Variants in PDS5B observed in about 807,000 individuals in gnomAD.
PDS5B encodes PDS5 cohesin associated factor B, also known as sister chromatid cohesion protein PDS5 homolog B.
PDS5B carries 51 observed loss-of-function variants against 184.1 expected under a neutral mutation model. That is an observed-to-expected ratio of 0.28 (90% CI 0.22 to 0.35). PDS5B has a LOEUF of 0.35. Among genes scored for constraint, PDS5B ranks in the 10% least tolerant of loss-of-function variants. The probability of loss-of-function intolerance (pLI) is 1.00; values close to 1 mark genes in which losing one functional copy is unlikely to be tolerated. For synonymous variants in PDS5B, 566 were observed against 569.2 expected, an observed-to-expected ratio of 0.99 and a Z score of 0.08; for missense variants, 1,180 against 1,723.3, an observed-to-expected ratio of 0.68 and a Z score of 5.58.
At chr13:32,675,178 T>C (rs139194173) in intron 8 of PDS5B, among the ~76,000 whole-genome samples, 1 of 152,180 alleles carries the variant, frequency 6.6e-6, no homozygotes, top group African/African-American at 2.4e-5. Flanking sequence ...TCCCACACTT[T>C]ATGTTCAAGT....
chr13:32,653,306 A>G (rs894260262), intron 3 of PDS5B, among the ~76,000 whole-genome samples: 1 of 152,194 alleles, frequency 6.6e-6, no homozygotes, highest in Non-Finnish European at 1.5e-5. Flanking sequence ...CAAAAAAAAG[A>G]TAATTGTGGA....
intron 1 of PDS5B, among the ~76,000 whole-genome samples, chr13:32,603,137 G>A (rs2058004711): frequency 6.6e-6 from 1 of 152,184 alleles, no homozygotes; most frequent in Admixed American, 6.5e-5. Context: ...TGTTGCCATT[G>A]CTTTTGGTGT....
At chr13:32,722,803 T>C (rs1291484307) in intron 19 of PDS5B, among the ~76,000 whole-genome samples, 1 of 152,236 alleles carries the variant, frequency 6.6e-6, no homozygotes, top group African/African-American at 2.4e-5. Flanking sequence ...GGAGGAGCCC[T>C]GTCAGTATCA....
chr13:32,736,887 G>A (rs75811235), intron 21 of PDS5B, among the ~76,000 whole-genome samples: 5,050 of 151,820 alleles, frequency 0.033, 233 homozygotes, highest in African/African-American at 0.11. Flanking sequence ...TTGTCTAGTC[G>A]TACCTAAAGC....
intron 13 of PDS5B, among the ~76,000 whole-genome samples, chr13:32,692,031 T>G (rs993270643): frequency 8.5e-5 from 13 of 152,092 alleles, no homozygotes; most frequent in Admixed American, 5.3e-4. Context: ...TTAAATTACA[T>G]TCTAGTCCTG....
rs138110737 is a variant in PDS5B, at chr13:32,698,967, G to A, written c.1601-763G>A. Among the ~76,000 whole-genome samples, 582 of 152,050 alleles carry A rather than the reference G, an allele frequency of 3.8e-3. 4 individuals are homozygous for A. The highest frequency in any genetic ancestry group is 0.014 in the African/African-American group (566 of 41,484). ...ACAGGGTTTCACCATCTTGGCCAGG[G>A]TGGTCTTGAACTCCTGACCTCGTGA... On this transcript the variant is annotated intron_variant, in intron 15 of 34. Transcript: ENST00000315596.
At chr13:32,736,478 T>C (rs1478484600) in intron 21 of PDS5B, among the ~76,000 whole-genome samples, 4 of 152,052 alleles carry the variant, frequency 2.6e-5, no homozygotes, top group Non-Finnish European at 2.9e-5. Context: ...TTTCTTGAAG[T>C]TTATTGACAG....
At chr13:32,721,894 C>T (rs1952724867) in intron 19 of PDS5B, among the ~76,000 whole-genome samples, 1 of 151,564 alleles carries the variant, frequency 6.6e-6, no homozygotes, top group African/African-American at 2.4e-5. Flanking sequence ...GGCAGAGGGG[C>T]TCCTCACATC....
intron 1 of PDS5B, among the ~76,000 whole-genome samples, chr13:32,588,385 A>G (rs2057724175): frequency 6.6e-6 from 1 of 152,362 alleles, no homozygotes; most frequent in East Asian, 1.9e-4. Context: ...TACTTAATAT[A>G]CATTTACAAA....
intron 14 of PDS5B, among the ~76,000 whole-genome samples, 190 bp downstream of exon 14, chr13:32,694,494 T>C (rs1431950234): frequency 6.6e-6 from 1 of 151,906 alleles, no homozygotes; most frequent in Non-Finnish European, 1.5e-5. Context: ...AATGTTTATA[T>C]CTGCAAAAGG....
intron 13 of PDS5B, chr13:32,689,536 G>A (rs140793282): frequency 6.6e-6 from 1 of 152,042 alleles, no homozygotes; most frequent in Non-Finnish European, 1.5e-5. Context: ...TTTACTGTCC[G>A]GCCTTTTACA....
At chr13:32,647,572 C>T (rs930883841) in intron 1 of PDS5B, among the ~76,000 whole-genome samples, 5 of 152,174 alleles carry the variant, frequency 3.3e-5, no homozygotes, top group Admixed American at 6.5e-5. Flanking sequence ...TGAGCAATCC[C>T]ACCTGGCCTT....
At chr13:32,740,957 C>A (rs1386820025) in intron 21 of PDS5B, 123 bp from the exon 22 acceptor site, 11 of 607,620 alleles carry the variant, frequency 1.8e-5, no homozygotes, top group Non-Finnish European at 3.2e-5. Context: ...GTACTTTAGT[C>A]ATATATAACA....
intron 15 of PDS5B, 32 bp downstream of exon 15, chr13:32,696,934 A>G (rs200527849): frequency 3.2e-5 from 40 of 1,233,684 alleles, no homozygotes; most frequent in Middle Eastern, 2.2e-4. Context: ...ATAAAAATGT[A>G]ATTTTTATTG....
rs538972656 is a variant in PDS5B at position 32,602,073 on chromosome 13, CT to C, written c.-20+15490del. Among the ~76,000 whole-genome samples, 17 of 148,220 alleles carry C rather than the reference CT, an allele frequency of 1.1e-4. No homozygotes were observed. The East Asian group carries it at 1.2e-3, about 10-fold the overall frequency. ...CAAAACAATGTTTTTCAGTTAAATT[CT>C]TTTTTTTTTAAATCCTTGTCTTTTT... On this transcript the variant is annotated intron_variant, in intron 1 of 34. Transcript: ENST00000315596.
chr13:32,757,736 A>G (rs1954236124), intron 26 of PDS5B, among the ~76,000 whole-genome samples: 2 of 152,124 alleles, frequency 1.3e-5, no homozygotes, highest in Non-Finnish European at 2.9e-5. Flanking sequence ...GCCTCACTTG[A>G]TCCGTGGCCC....
intron 19 of PDS5B, among the ~76,000 whole-genome samples, chr13:32,712,486 T>C (rs115952683): frequency 0.014 from 2,090 of 152,306 alleles, 40 homozygotes; most frequent in African/African-American, 0.047. Flanking sequence ...AAAAATAATA[T>C]AGTTAAGAGA....
At chr13:32,719,981 A>G (rs1398235416) in intron 19 of PDS5B, among the ~76,000 whole-genome samples, 2 of 152,034 alleles carry the variant, frequency 1.3e-5, no homozygotes, top group Admixed American at 6.5e-5. Flanking sequence ...TGTTTTTAGT[A>G]GAGACTGGAT....
intron 1 of PDS5B, among the ~76,000 whole-genome samples, chr13:32,602,913 T>C (rs1025032907): frequency 1.3e-5 from 2 of 152,256 alleles, no homozygotes; most frequent in African/African-American, 4.8e-5. Context: ...TGTCTGTTCA[T>C]ATCCTTTGCC....
Sources: gnomAD v4.1 joint callset for allele counts (sites outside exome capture counted in the v4.1 genomes callset) on GRCh38, gnomAD v4.1.1 for gene constraint, MANE v1.5 for transcripts, NCBI Gene and HGNC (gene_info 2026-07-23, HGNC 2026-07-21) for gene names.